ACYP2: variants seen among roughly 807,000 people sequenced by gnomAD.
ACYP2 encodes acylphosphatase 2.
A neutral mutation model predicts 11.2 loss-of-function variants in ACYP2; 12 were observed. That is an observed-to-expected ratio of 1.08 (90% CI 0.69 to 1.74). The LOEUF (loss-of-function observed/expected upper bound fraction) is 1.74. Among genes scored for constraint, ACYP2 ranks in the 40% most tolerant of loss-of-function variants. The pLI is 0.00. For synonymous variants in ACYP2, 43 were observed against 32.2 expected, an observed-to-expected ratio of 1.33 and a Z score of -1.13; for missense variants, 134 against 101.9, an observed-to-expected ratio of 1.31 and a Z score of -1.35.
intron 2 of ACYP2, among the ~76,000 whole-genome samples, chr2:54,028,630 C>T (rs1674421650): frequency 6.6e-6 from 1 of 152,182 alleles, no homozygotes; most frequent in Non-Finnish European, 1.5e-5. Context: ...AGACTTTTGT[C>T]ACAAACCATT....
intron 2 of ACYP2, among the ~76,000 whole-genome samples, chr2:53,992,810 G>A (rs1200126858): frequency 7.2e-6 from 1 of 139,274 alleles, no homozygotes. Flanking sequence ...CAGCCTAGGC[G>A]ACATAGTGAA....
chr2:54,264,348 G>T (rs749245573), intron 6 of ACYP2, among the ~76,000 whole-genome samples: 1 of 152,114 alleles, frequency 6.6e-6, no homozygotes, highest in East Asian at 1.9e-4. Context: ...TGGCTCTGGC[G>T]GTCAGCTTTT....
intron 6 of ACYP2, among the ~76,000 whole-genome samples, chr2:54,197,942 A>ATGTATTGTATTGTATTG (rs1354658076): frequency 1.4e-5 from 1 of 69,514 alleles, no homozygotes; most frequent in Non-Finnish European, 3.3e-5. Flanking sequence ...TGTATGTATT[A>ATGTATTGTATTGTATTG]TATTGTATTG....
chr2:54,044,686 T>C (rs1422614146), intron 2 of ACYP2, among the ~76,000 whole-genome samples: 3 of 151,996 alleles, frequency 2.0e-5, no homozygotes, highest in Non-Finnish European at 4.4e-5. Context: ...CCTTTTCCCA[T>C]AATCAGGGTG....
In ACYP2 at chr2:54,078,411, C is replaced by CATATATAT. The variant is rs56411409; in HGVS notation, c.277+21057_277+21058insATATATAT. Among the ~76,000 whole-genome samples, 944 of 144,538 alleles carry CATATATAT rather than the reference C, an allele frequency of 6.5e-3. 8 individuals carry two copies. The highest frequency in any genetic ancestry group is 0.023 in the African/African-American group (903 of 39,340). 94.8% of individuals were successfully genotyped at this position (144,538 alleles called of 152,430 possible). A position where few individuals can be genotyped will look rare whatever the true frequency, so the allele number is the denominator to read the frequency against. On this transcript the variant is annotated intron_variant, in intron 4 of 6. Transcript: ENST00000607452. ...ATGCAAATCATATATATATGCGTAC[C>CATATATAT]ATATATGGTACGCATATATATATAT...
chr2:54,072,499 C>T (rs975369378), intron 4 of ACYP2, among the ~76,000 whole-genome samples: 4 of 57,842 alleles, frequency 6.9e-5, no homozygotes, highest in Middle Eastern at 6.8e-3. Flanking sequence ...TTCTTTCTTT[C>T]TCTCTCTCTC....
intron 6 of ACYP2, among the ~76,000 whole-genome samples, chr2:54,285,462 A>G (rs1239407423): frequency 6.6e-6 from 1 of 152,230 alleles, no homozygotes; most frequent in Non-Finnish European, 1.5e-5. Flanking sequence ...TCAGTTCCCA[A>G]TTTATAATTC....
intron 4 of ACYP2, chr2:54,123,344 G>C (rs200861120): frequency 2.5e-5 from 10 of 398,548 alleles, no homozygotes; most frequent in East Asian, 2.5e-4. Flanking sequence ...GGAGTGATAG[G>C]AAAAAGTCAG....
At chr2:54,092,402 C>T (rs1286249291) in intron 4 of ACYP2, among the ~76,000 whole-genome samples, 1 of 152,204 alleles carries the variant, frequency 6.6e-6, no homozygotes, top group Non-Finnish European at 1.5e-5. Flanking sequence ...TCTTCTTTCT[C>T]TCCTGCCCAG....
intron 5 of ACYP2, 107 bp from the exon 3 acceptor site, chr2:54,138,532 C>CA (rs1289560679): frequency 8.6e-6 from 7 of 814,894 alleles, no homozygotes; most frequent in South Asian, 7.6e-5. Context: ...GCATTGACTA[C>CA]AAAAAATGAT....
At chr2:54,256,045 A>G in intron 6 of ACYP2, 2 of 1,614,072 alleles carry the variant, frequency 1.2e-6, no homozygotes, top group Non-Finnish European at 1.7e-6. Context: ...CATATCTGCC[A>G]TTACCTCTGT....
chr2:53,984,865 C>T (rs1388510531), intron 2 of ACYP2, among the ~76,000 whole-genome samples: 4 of 151,684 alleles, frequency 2.6e-5, no homozygotes, highest in Non-Finnish European at 4.4e-5. Flanking sequence ...CAATTTTTAT[C>T]AAATAAGAAA....
At chr2:54,197,364 C>T (rs557474990) in intron 6 of ACYP2, among the ~76,000 whole-genome samples, 1 of 152,300 alleles carries the variant, frequency 6.6e-6, no homozygotes, top group African/African-American at 2.4e-5. Context: ...GCTGGAACTT[C>T]TCCACGTACT....
At chr2:53,973,117 G>C (rs139693692) in intron 1 of ACYP2, among the ~76,000 whole-genome samples, 1 of 152,154 alleles carries the variant, frequency 6.6e-6, no homozygotes, top group African/African-American at 2.4e-5. Context: ...ATGGAGAAGC[G>C]AACAATCCTA....
chr2:54,135,474 G>T lies in ACYP2; in HGVS notation c.294+5G>T. 1 of 1,606,348 alleles carries T rather than the reference G, an allele frequency of 6.2e-7. No individual in the cohort carries two copies. The highest frequency in any genetic ancestry group is 8.5e-7 in the Non-Finnish European group (1 of 1,176,086). ...ACAGGTGTTTGCTTCAGAATGGTAA[G>T]TCAGTACAATCTTTATTATTTTGCT... On this transcript the variant is annotated splice_donor_5th_base_variant and intron_variant, in intron 5 of 6. Transcript: ENST00000607452.
intron 2 of ACYP2, among the ~76,000 whole-genome samples, chr2:54,007,049 A>G (rs1219019263): frequency 6.8e-6 from 1 of 147,228 alleles, no homozygotes; most frequent in Non-Finnish European, 1.5e-5. Context: ...CACTTGAACC[A>G]AGGAGGCGGA....
At chr2:54,123,871 G>A (rs1476398649) in intron 4 of ACYP2, among the ~76,000 whole-genome samples, 4 of 150,456 alleles carry the variant, frequency 2.7e-5, no homozygotes, top group Admixed American at 2.0e-4. Flanking sequence ...CCAGTGATAC[G>A]GCTTACATTT....
At chr2:54,205,275 C>A (rs1480839622) in intron 6 of ACYP2, among the ~76,000 whole-genome samples, 1 of 152,158 alleles carries the variant, frequency 6.6e-6, no homozygotes, top group Non-Finnish European at 1.5e-5. Flanking sequence ...AATTCTGAGA[C>A]AGCATCTGGG....
chr2:54,253,856 T>C (rs1687352361), intron 6 of ACYP2: 1 of 152,192 alleles, frequency 6.6e-6, no homozygotes, highest in Non-Finnish European at 1.5e-5. Flanking sequence ...GCAGTCTATT[T>C]TACAGAACAG....
Sources: allele counts gnomAD v4.1 joint callset (sites outside exome capture counted in the v4.1 genomes callset), GRCh38; gene constraint gnomAD v4.1.1; transcripts MANE v1.5; gene names NCBI Gene and HGNC (gene_info 2026-07-23, HGNC 2026-07-21).